Variants in SAFB observed in about 807,000 individuals in gnomAD.
SAFB encodes the protein scaffold attachment factor B.
In SAFB, 15 loss-of-function variants were observed where a neutral mutation model predicts 101.6. The observed-to-expected ratio is 0.15, with a 90% CI of 0.10 to 0.23. SAFB has a LOEUF of 0.23. SAFB is among the 10% of genes least tolerant of loss of function. SAFB has a pLI of 1.00. For missense variants in SAFB, 930 were observed against 1,104.1 expected (o/e 0.84, Z 2.23); for synonymous variants, 449 against 407.5 (o/e 1.10, Z -1.23).
rs558393775 is a variant in SAFB at position 5,650,387 on chromosome 19, C to A, written c.1198+412C>A. Among the ~76,000 whole-genome samples the A allele has an allele frequency of 3.9e-5, 6 of 152,268 alleles. No homozygotes were observed. In the South Asian group the frequency reaches 1.2e-3, roughly 32 times the overall value. On this transcript the variant is annotated intron_variant, in intron 8 of 20. Coordinates refer to ENST00000588852, the MANE Select transcript of SAFB (RefSeq NM_001201338.2). The stretch of plus-strand genomic sequence containing the variant: ...ACTGTTCTGCTACATGGCCGTTGCA[C>A]ACTGCACTTCCTCCTGTAATTAAGC...
rs1380156513 is a variant in SAFB at position 5,668,179 on chromosome 19, C to G, written c.2642C>G (p.Pro881Arg). Residue 881 changes from proline (P) to arginine (R), a missense_variant, in exon 21 of 21, where the codon CCA becomes CGA. This residue lies in a region of SAFB where 318 missense variants were observed against 342.6 expected (regional missense o/e 0.93). Transcript: ENST00000588852. ...GGMSGRGSFA[P>R]GGASRGHPIP... ...GTTCCTAGGCGCGGCAGCTTTGCCCCAGGCGGGGCCTCCCGGGGCCACCCC... is the reference window on the plus strand; with the variant it reads ...GTTCCTAGGCGCGGCAGCTTTGCCCGAGGCGGGGCCTCCCGGGGCCACCCC... 1 of 1,605,668 alleles carries G rather than the reference C, an allele frequency of 6.2e-7. No homozygotes were observed. The highest frequency in any genetic ancestry group is 1.7e-5 in the Admixed American group (1 of 57,310).
At chr19:5,654,594 T>A (rs2054012467) in intron 13 of SAFB, 138 bp downstream of exon 13, 1 of 628,726 alleles carries the variant, frequency 1.6e-6, no homozygotes, top group Non-Finnish European at 2.9e-6. Context: ...TCTCAAACTA[T>A]TTTTTTTGAG....
At chr19:5,628,507 T>C (rs1276784616) in intron 2 of SAFB, among the ~76,000 whole-genome samples, 2 of 152,198 alleles carry the variant, frequency 1.3e-5, no homozygotes, top group African/African-American at 4.8e-5. Flanking sequence ...TTTCACTAAT[T>C]CCACACATCA....
In SAFB at chr19:5,654,127, A is replaced by G. The variant is rs1251274257; in HGVS notation, c.1593A>G (p.Gly531=). 4 of 1,614,180 alleles carry G rather than the reference A, an allele frequency of 2.5e-6. No homozygotes were observed. The Admixed American group carries it at 6.7e-5, about 27-fold the overall frequency. Residue 531 remains glycine (G), a synonymous_variant, in exon 12 of 21, where the codon GGA becomes GGG. Transcript: ENST00000588852. ...RKDDAKKGDD[G]SGEKSKDQDD... is the part of the protein sequence containing the mutation. ...ATGATGCTAAGAAGGGTGACGACGG[A>G]AGTGGAGAAAAGAGTAAGGACCAAG...
intron 14 of SAFB, among the ~76,000 whole-genome samples, chr19:5,660,342 CTTTTTTTTTTTTTTTT>C (rs11360129): frequency 3.9e-5 from 2 of 50,936 alleles, no homozygotes; most frequent in South Asian, 2.2e-3. Flanking sequence ...CTGCACACAC[CTTTTTTTTTTTTTTTT>C]TTTTTTTTTT....
At position 5,648,712 on chromosome 19, in the gene SAFB, G is replaced by A. The variant is rs370859411; in HGVS notation, c.638-277G>A. 4.0e-4 allele frequency: 231 copies of A among 575,498 alleles called. 1 individual carries two copies. The highest frequency in any genetic ancestry group is 3.4e-3 in the South Asian group (181 of 52,986). The allele number at this position is 575,498 out of a possible 1,614,324, so 35.6% of individuals were successfully genotyped here. ...TTTGGAAGAGTCATATCTAAACGAC[G>A]ACAGAATGAAGACTGTCAAGAATCA... On this transcript the variant is annotated intron_variant, in intron 6 of 20. Coordinates refer to ENST00000588852, the MANE Select transcript of SAFB (RefSeq NM_001201338.2).
chr19:5,664,662 T>C, intron 17 of SAFB: 1 of 496,726 alleles, frequency 2.0e-6, no homozygotes, highest in Non-Finnish European at 3.7e-6. Flanking sequence ...GTTTTTAGCC[T>C]TGACCCTGGG....
intron 17 of SAFB, 96 bp from the exon 18 acceptor site, chr19:5,666,950 C>G: frequency 1.2e-6 from 1 of 814,252 alleles, no homozygotes; most frequent in South Asian, 1.3e-5. Context: ...TCCCGAGTGA[C>G]TGTCGTTGTC....
At chr19:5,657,388 A>T (rs777995055) in intron 14 of SAFB, 41 bp downstream of exon 14, 3 of 1,372,112 alleles carry the variant, frequency 2.2e-6, no homozygotes, top group South Asian at 1.2e-5. Flanking sequence ...TTTTCCTAGA[A>T]TGTGGTCATG....
chr19:5,639,730 C>A (rs914289609), intron 2 of SAFB, among the ~76,000 whole-genome samples: 2 of 150,646 alleles, frequency 1.3e-5, no homozygotes, highest in African/African-American at 4.9e-5. Context: ...GTACTCAAAA[C>A]CTGTAAACAA....
intron 4 of SAFB, among the ~76,000 whole-genome samples, chr19:5,644,777 C>T (rs1198027592): frequency 6.6e-6 from 1 of 152,212 alleles, no homozygotes; most frequent in Non-Finnish European, 1.5e-5. Context: ...TTGGGCAGAG[C>T]CTACTTCTTA....
chr19:5,655,808 G>A (rs1025544888), intron 13 of SAFB, among the ~76,000 whole-genome samples: 1 of 152,188 alleles, frequency 6.6e-6, no homozygotes, highest in Non-Finnish European at 1.5e-5. Context: ...GGGTTCTAGG[G>A]ATAAAATGAG....
At chr19:5,630,050 A>G (rs1314222167) in intron 2 of SAFB, among the ~76,000 whole-genome samples, 3 of 152,212 alleles carry the variant, frequency 2.0e-5, no homozygotes, top group Non-Finnish European at 4.4e-5. Flanking sequence ...AAAAACAAAA[A>G]CAAAAACAAA....
At position 5,649,530 on chromosome 19, in the gene SAFB, C is replaced by G. The variant is rs1231898708; in HGVS notation, c.1148+31C>G. The stretch of plus-strand genomic sequence containing the variant: ...TTTTTTCTCAGTTTTAGACCAGACG[C>G]TATCTCCTTTTCATTGGTCATGTAA... On this transcript the variant is annotated intron_variant, in intron 7 of 20. Transcript: ENST00000588852. 2.0e-5 allele frequency: 8 copies of G among 404,856 alleles called. No homozygotes were observed. The African/African-American group carries it at 2.0e-4, about 10-fold the overall frequency. The allele number at this position is 404,856 out of a possible 1,614,324, so 25.1% of individuals were successfully genotyped here.
At chr19:5,629,114 A>G (rs1437496685) in intron 2 of SAFB, among the ~76,000 whole-genome samples, 1 of 152,198 alleles carries the variant, frequency 6.6e-6, no homozygotes. Flanking sequence ...AAATACGTGC[A>G]TGGGAGTAAA....
At position 5,648,140 on chromosome 19, in the gene SAFB, A is replaced by C. The variant is rs1398134059; in HGVS notation, c.637+97A>C. On this transcript the variant is annotated intron_variant, in intron 6 of 20. Transcript: ENST00000588852. ...TTCTTTGATTTTTAAAAGTTACCTT[A>C]CTATAGTATACATTGTTCTAAAGGT... is the stretch of plus-strand genomic sequence containing the variant. 19 of 1,005,494 alleles carry C rather than the reference A, an allele frequency of 1.9e-5. No individual in the cohort carries two copies. The East Asian group carries it at 3.9e-4, about 20-fold the overall frequency. The allele number at this position is 1,005,494 out of a possible 1,614,324, so 62.3% of individuals were successfully genotyped here. A position where few individuals can be genotyped will look rare whatever the true frequency, so the allele number is the denominator to read the frequency against.
intron 2 of SAFB, among the ~76,000 whole-genome samples, chr19:5,629,196 A>G (rs1170619571): frequency 6.6e-6 from 1 of 152,194 alleles, no homozygotes; most frequent in Non-Finnish European, 1.5e-5. Context: ...CTGTGTGTGT[A>G]TGTACAATGT....
intron 2 of SAFB, among the ~76,000 whole-genome samples, chr19:5,638,714 C>CTTTTTTTT (rs758543978): frequency 8.6e-6 from 1 of 116,358 alleles, no homozygotes; most frequent in African/African-American, 3.3e-5. Context: ...TAATCTTAGT[C>CTTTTTTTT]TTTTTTTTTT....
chr19:5,660,295 T>TA (rs1399797305), intron 14 of SAFB, among the ~76,000 whole-genome samples: 2 of 150,226 alleles, frequency 1.3e-5, no homozygotes, highest in Admixed American at 1.3e-4. Flanking sequence ...GTAGTTGGTA[T>TA]ACTGCACTGA....
Sources: gnomAD v4.1 joint callset for allele counts (sites outside exome capture counted in the v4.1 genomes callset) on GRCh38, gnomAD v4.1.1 for gene constraint, gnomAD v4.1.1 regional missense constraint, MANE v1.5 for transcripts, NCBI Gene and HGNC (gene_info 2026-07-23, HGNC 2026-07-21) for gene names.